ARHGAP44: variants seen among roughly 807,000 people sequenced by gnomAD.
ARHGAP44 encodes Rho GTPase activating protein 44.
ARHGAP44 carries 43 observed loss-of-function variants against 106.8 expected under a neutral mutation model. That is an observed-to-expected ratio of 0.40 (90% CI 0.32 to 0.52). The LOEUF (loss-of-function observed/expected upper bound fraction) is 0.52, where lower values mean the gene tolerates loss of function less well. Ranked by LOEUF, ARHGAP44 falls within the 20% of genes least tolerant of loss-of-function variation. The pLI, the probability that ARHGAP44 is intolerant of heterozygous loss-of-function variation, is 0.48. For missense variants in ARHGAP44, 866 were observed against 1,050.5 expected (o/e 0.82, Z 2.43); for synonymous variants, 439 against 410.3 (o/e 1.07, Z -0.85).
At chr17:12,799,385 G>A (rs2034019830) in intron 1 of ARHGAP44, among the ~76,000 whole-genome samples, 1 of 152,210 alleles carries the variant, frequency 6.6e-6, no homozygotes, top group Admixed American at 6.5e-5. Flanking sequence ...CTCCGTGTGT[G>A]ATTCTGGAAC....
chr17:12,857,747 A>G (rs916546692), intron 1 of ARHGAP44, among the ~76,000 whole-genome samples: 10 of 149,292 alleles, frequency 6.7e-5, no homozygotes, highest in Non-Finnish European at 1.2e-4. Flanking sequence ...CACAAACTTT[A>G]TTGCTTCGGT....
Position 12,908,892 on chromosome 17 carries a change from T to C in ARHGAP44, c.199-5T>C. The C allele has an allele frequency of 6.2e-7, 1 of 1,601,574 alleles. No individual in the cohort carries two copies. The stretch of plus-strand genomic sequence containing the variant: ...CTTTCATTACAGCATTTGCTTTCTT[T>C]TCAGAAAAAGTTGCCTTTGACAACA... On this transcript the variant is annotated splice_polypyrimidine_tract_variant and splice_region_variant and intron_variant, in intron 3 of 20. Transcript: ENST00000379672.
At position 12,935,873 on chromosome 17, in the gene ARHGAP44, A is replaced by G. The variant is rs142978881; in HGVS notation, c.583-5183A>G. The stretch of plus-strand genomic sequence containing the variant: ...AATGGAAAACCAATGTACAGATAAT[A>G]GGGGATCCTGAAAAATAAGCCAAAC... On this transcript the variant is annotated intron_variant, in intron 7 of 20. Transcript: ENST00000379672. Among the ~76,000 whole-genome samples, 383 of 152,312 alleles carry G rather than the reference A, an allele frequency of 2.5e-3. 2 individuals are homozygous for G. The highest frequency in any genetic ancestry group is 8.7e-3 in the African/African-American group (360 of 41,570).
chr17:12,852,152 A>C, intron 1 of ARHGAP44, among the ~76,000 whole-genome samples: 1 of 141,566 alleles, frequency 7.1e-6, no homozygotes, highest in African/African-American at 2.6e-5. Flanking sequence ...ATAAGGTTAA[A>C]GTCTATCCCA....
chr17:12,876,976 G>C (rs1249064694), intron 1 of ARHGAP44, among the ~76,000 whole-genome samples: 1 of 151,686 alleles, frequency 6.6e-6, no homozygotes, highest in East Asian at 1.9e-4. Flanking sequence ...ATGGGGCCTA[G>C]CTCGGGACTA....
In ARHGAP44 at chr17:12,894,308, GGAGA is replaced by G. The variant is rs57153916; in HGVS notation, c.54-616_54-613del. Among the ~76,000 whole-genome samples, 28 of 148,012 alleles carry G rather than the reference GGAGA, an allele frequency of 1.9e-4. No individual in the cohort carries two copies. The East Asian group carries it at 5.3e-3, about 28-fold the overall frequency. ...TAAAGAGAGAGTGAGAAAGAGAGGG[GGAGA>G]GAGAGAGAGAGAGAGCGTTAAATCA... is the stretch of plus-strand genomic sequence containing the variant. On this transcript the variant is annotated intron_variant, in intron 1 of 20. Coordinates refer to ENST00000379672, the MANE Select transcript of ARHGAP44 (RefSeq NM_014859.6).
At chr17:12,822,135 G>A (rs1194432125) in intron 1 of ARHGAP44, among the ~76,000 whole-genome samples, 1 of 152,072 alleles carries the variant, frequency 6.6e-6, no homozygotes, top group Non-Finnish European at 1.5e-5. Flanking sequence ...TCCTGTACAG[G>A]GCCAGGCAGT....
chr17:12,794,506 A>G (rs182050373), intron 1 of ARHGAP44, among the ~76,000 whole-genome samples: 11 of 152,298 alleles, frequency 7.2e-5, no homozygotes, highest in Non-Finnish European at 5.9e-5. Flanking sequence ...CTGCCCAGTG[A>G]TGGTCCAAGT....
At chr17:12,932,465 C>T (rs1175734034) in intron 7 of ARHGAP44, among the ~76,000 whole-genome samples, 2 of 152,172 alleles carry the variant, frequency 1.3e-5, no homozygotes, top group African/African-American at 4.8e-5. Flanking sequence ...GATACCTTTT[C>T]CAGTCTGCCA....
intron 3 of ARHGAP44, among the ~76,000 whole-genome samples, chr17:12,907,666 G>C (rs1349640777): frequency 6.6e-6 from 1 of 152,120 alleles, no homozygotes. Flanking sequence ...TTTCATGGCT[G>C]CATAATGTTC....
chr17:12,950,225 C>T (rs1485265397), intron 12 of ARHGAP44, among the ~76,000 whole-genome samples: 1 of 152,146 alleles, frequency 6.6e-6, no homozygotes, highest in South Asian at 2.1e-4. Context: ...AGTGATTCCT[C>T]CTGGCCAGAA....
At chr17:12,909,059 A>T (rs1428643239) in intron 4 of ARHGAP44, 86 bp downstream of exon 4, 3 of 1,159,914 alleles carry the variant, frequency 2.6e-6, no homozygotes, top group Non-Finnish European at 3.6e-6. Flanking sequence ...TCAGGGAAGC[A>T]CCTGAATTCT....
intron 10 of ARHGAP44, among the ~76,000 whole-genome samples, chr17:12,944,803 ACTC>A (rs1393238770): frequency 6.8e-6 from 1 of 146,112 alleles, no homozygotes; most frequent in Non-Finnish European, 1.5e-5. Context: ...TGCTATTACT[ACTC>A]CTTCTCCTTT....
At chr17:12,969,392 A>G (rs921849672) in intron 16 of ARHGAP44, among the ~76,000 whole-genome samples, 1 of 152,234 alleles carries the variant, frequency 6.6e-6, no homozygotes, top group Non-Finnish European at 1.5e-5. Flanking sequence ...AGTAAGAGCT[A>G]AGGGCTTTAT....
At chr17:12,952,392 G>T in intron 12 of ARHGAP44, 109 bp from the exon 13 acceptor site, 1 of 864,786 alleles carries the variant, frequency 1.2e-6, no homozygotes, top group Non-Finnish European at 1.8e-6. Flanking sequence ...TGCTGATATG[G>T]TCAGTTACAG....
chr17:12,947,282 C>G (rs1483982656), intron 10 of ARHGAP44, among the ~76,000 whole-genome samples: 1 of 152,226 alleles, frequency 6.6e-6, no homozygotes, highest in Non-Finnish European at 1.5e-5. Context: ...CTGCCAGCCT[C>G]CTTGGCCACA....
intron 5 of ARHGAP44, among the ~76,000 whole-genome samples, chr17:12,919,311 C>A (rs1356195682): frequency 6.6e-6 from 1 of 151,960 alleles, no homozygotes; most frequent in East Asian, 1.9e-4. Flanking sequence ...AAAAGGATTT[C>A]ATCTGAAAAT....
At chr17:12,907,690 T>C (rs2037595876) in intron 3 of ARHGAP44, among the ~76,000 whole-genome samples, 1 of 152,250 alleles carries the variant, frequency 6.6e-6, no homozygotes, top group Non-Finnish European at 1.5e-5. Context: ...TTTATGGATA[T>C]ACCACATTTT....
intron 1 of ARHGAP44, among the ~76,000 whole-genome samples, chr17:12,877,774 A>G (rs1000772514): frequency 6.6e-6 from 1 of 152,070 alleles, no homozygotes; most frequent in Admixed American, 6.5e-5. Flanking sequence ...CTAAAGATAT[A>G]TAAACATTAT....
Sources: allele counts gnomAD v4.1 joint callset (sites outside exome capture counted in the v4.1 genomes callset), GRCh38; gene constraint gnomAD v4.1.1; transcripts MANE v1.5; gene names NCBI Gene and HGNC (gene_info 2026-07-23, HGNC 2026-07-21).